Variants in DZIP1 observed in about 807,000 individuals in gnomAD.
DZIP1 encodes the protein cilium assembly protein DZIP1.
A neutral mutation model predicts 107.6 loss-of-function variants in DZIP1; 97 were observed. That is an observed-to-expected ratio of 0.90 (90% CI 0.77 to 1.07). The LOEUF (loss-of-function observed/expected upper bound fraction) is 1.07, where lower values mean the gene tolerates loss of function less well. DZIP1 is among the 50% of genes least tolerant of loss of function. DZIP1 has a pLI of 0.00. For missense variants in DZIP1, 1,035 were observed against 1,063.6 expected (o/e 0.97, Z 0.37); for synonymous variants, 390 against 386.4 (o/e 1.01, Z -0.11).
chr13:95,641,657 T>C lies in DZIP1; in HGVS notation c.235A>G (p.Lys79Glu). The C allele has an allele frequency of 1.9e-6, 3 of 1,608,570 alleles. No homozygotes were observed. Among genetic ancestry groups the C allele is most frequent in the Non-Finnish European group, 2.5e-6 (3 of 1,179,998 alleles). ...WRRLSAIDVDKVAGAVDVLTL... is the reference protein window; with the variant it reads ...WRRLSAIDVDEVAGAVDVLTL... ...AGCACGTCCACAGCCCCCGCCACCT[T>C]GTCCACGTCGATGGCGCTCAGCCGC... Residue 79 changes from lysine to glutamate, a missense_variant, in exon 5 of 23, where the codon AAG (lysine) becomes GAG (glutamate). Coordinates refer to ENST00000376829, the MANE Select transcript of DZIP1 (RefSeq NM_198968.4). The surrounding 1 kb of genome is among the most constrained non-coding windows in gnomAD (Gnocchi z 4.3).
At chr13:95,630,221 G>T in intron 6 of DZIP1, 108 bp from the exon 7 acceptor site, 1 of 1,358,072 alleles carries the variant, frequency 7.4e-7, no homozygotes, top group Non-Finnish European at 9.8e-7. Context: ...CCTCTTACTT[G>T]GGATACGATT....
At chr13:95,604,614 C>T (rs2044718802) in intron 14 of DZIP1, among the ~76,000 whole-genome samples, 2 of 152,276 alleles carry the variant, frequency 1.3e-5, no homozygotes, top group Admixed American at 6.5e-5. Flanking sequence ...TTGTCCGGAC[C>T]CTTGAATCAA....
intron 7 of DZIP1, among the ~76,000 whole-genome samples, chr13:95,628,611 T>G (rs1477350657): frequency 6.6e-6 from 1 of 152,164 alleles, no homozygotes; most frequent in Non-Finnish European, 1.5e-5. Flanking sequence ...TCATAATAGT[T>G]AAGAAGTGGA....
Position 95,586,019 on chromosome 13 carries a change from A to G in DZIP1, c.2336T>C (p.Leu779Ser). The G allele has an allele frequency of 6.2e-7, 1 of 1,601,236 alleles. No individual in the cohort carries two copies. Among genetic ancestry groups the G allele is most frequent in the Non-Finnish European group, 8.5e-7 (1 of 1,176,278 alleles). ...AAGTGATTTCACCTTTAGTTCTTGT[A>G]ATTCTTCTTTTTTGATAAACATCTC... Reference protein sequence around the residue: ...VPEMFIKKEELQELKCADVED... With the variant: ...VPEMFIKKEESQELKCADVED... Residue 779 changes from leucine (L) to serine (S), a missense_variant, in exon 21 of 23, where the codon TTA (leucine) becomes TCA (serine). Physicochemically the swap from Leu to Ser is moderately radical, Grantham distance 145. Coordinates refer to ENST00000376829, the MANE Select transcript of DZIP1 (RefSeq NM_198968.4).
chr13:95,624,995 A>G, intron 7 of DZIP1, 66 bp from the exon 8 acceptor site: 1 of 1,378,650 alleles, frequency 7.3e-7, no homozygotes, highest in Non-Finnish European at 9.8e-7. Flanking sequence ...TATTTAAAAT[A>G]AAAGTTCATA....
intron 14 of DZIP1, among the ~76,000 whole-genome samples, chr13:95,602,453 C>T (rs1239060171): frequency 6.6e-6 from 1 of 152,192 alleles, no homozygotes; most frequent in African/African-American, 2.4e-5. Context: ...ATGTGGTCTC[C>T]TTTATAAGCT....
chr13:95,620,447 A>G (rs773994110), intron 9 of DZIP1, among the ~76,000 whole-genome samples: 1 of 152,228 alleles, frequency 6.6e-6, no homozygotes, highest in Non-Finnish European at 1.5e-5. Context: ...ATTTTTTAGA[A>G]TATACACAGT....
At chr13:95,598,581 C>CA (rs2044525120) in intron 15 of DZIP1, among the ~76,000 whole-genome samples, 1 of 151,854 alleles carries the variant, frequency 6.6e-6, no homozygotes, top group Non-Finnish European at 1.5e-5. Context: ...CTTTTCCTGA[C>CA]AAAAATGACA....
intron 9 of DZIP1, among the ~76,000 whole-genome samples, 189 bp from the exon 10 acceptor site, chr13:95,620,136 T>C (rs1032898928): frequency 2.6e-5 from 4 of 152,154 alleles, no homozygotes; most frequent in African/African-American, 7.2e-5. Context: ...TGGTGGGAGA[T>C]GATTGAATCA....
In DZIP1 at chr13:95,587,715, C is replaced by G; in HGVS notation, c.2042G>C (p.Ser681Thr). The G allele has an allele frequency of 6.2e-7, 1 of 1,613,940 alleles. No individual in the cohort carries two copies. Among genetic ancestry groups the G allele is most frequent in the East Asian group, 2.2e-5 (1 of 44,874 alleles). Residue 681 changes from serine to threonine, a missense_variant, in exon 20 of 23, where the codon AGT (serine) becomes ACT (threonine). By Grantham distance (58) the Ser-to-Thr change is moderately conservative (BLOSUM62 1). Transcript: ENST00000376829. ...KSSTITTPPF[S>T]SEEEQEDDDL... ...GTCGTCCTCCTGCTCCTCCTCTGAA[C>G]TAAAAGGAGGGGTCCTACACAAATC...
rs1566442532 is a variant in DZIP1, at chr13:95,642,030, AG to A, written c.-2del. On this transcript the variant is annotated 5_prime_UTR_variant, in exon 4 of 23. Coordinates refer to ENST00000376829, the MANE Select transcript of DZIP1 (RefSeq NM_198968.4). Reference sequence around the variant, plus strand: ...ACCAATCCGCTGCCTCAGCTTGCATAGGAGGAGCCGGGCGGTCTTTACCCAG... The same window carrying A: ...ACCAATCCGCTGCCTCAGCTTGCATAGAGGAGCCGGGCGGTCTTTACCCAG... 1.3e-6 allele frequency: 2 copies of A among 1,572,282 alleles called. No individual in the cohort carries two copies. Among genetic ancestry groups the A allele is most frequent in the South Asian group, 2.3e-5 (2 of 87,766 alleles).
chr13:95,630,878 G>T, intron 6 of DZIP1: 1 of 505,316 alleles, frequency 2.0e-6, no homozygotes, highest in Non-Finnish European at 3.5e-6. Flanking sequence ...GTTAGAATAA[G>T]ATACTGAAAC....
At chr13:95,607,821 G>C (rs563066943) in intron 13 of DZIP1, among the ~76,000 whole-genome samples, 1 of 152,310 alleles carries the variant, frequency 6.6e-6, no homozygotes, top group South Asian at 2.1e-4. Context: ...TGAAAGGGTA[G>C]TAAATCAGTA....
Position 95,624,764 on chromosome 13 carries a change from T to C in DZIP1, c.972+4A>G. 1 of 1,589,282 alleles carries C rather than the reference T, an allele frequency of 6.3e-7. No homozygotes were observed. Among genetic ancestry groups the C allele is most frequent in the Non-Finnish European group, 8.6e-7 (1 of 1,164,128 alleles). On this transcript the variant is annotated splice_donor_region_variant and intron_variant, in intron 8 of 22. Transcript: ENST00000376829. Reference sequence around the variant, plus strand: ...CCATAAGAACTTCTAGGTTTAATACTTACATATTCTAATGCTGAATTCTTC... The same window carrying C: ...CCATAAGAACTTCTAGGTTTAATACCTACATATTCTAATGCTGAATTCTTC...
chr13:95,584,597 A>T (rs2044103611), intron 22 of DZIP1, 139 bp downstream of exon 22: 1 of 1,430,390 alleles, frequency 7.0e-7, no homozygotes, highest in South Asian at 1.9e-5. Context: ...TCCAATCCTT[A>T]TTTAAATAAC....
chr13:95,641,798 C>A lies in DZIP1; in HGVS notation c.94G>T (p.Ala32Ser), dbSNP rs1878546301. The A allele has an allele frequency of 2.7e-6, 4 of 1,496,396 alleles. No homozygotes were observed. The South Asian group carries it at 4.0e-5, about 15-fold the overall frequency. The allele number at this position is 1,496,396 out of a possible 1,614,324, so 92.7% of individuals were successfully genotyped here. ...GCACCCGCGGCGGCGGCGGCCACAG[C>A]GACGTCGGGCCCCTCTGGGCCGCTG... ...LASGPEGPDV[A>S]VAAAAAGAAS... The change falls in exon 5 of 23, where the codon GCT (alanine) becomes TCT (serine). Residue 32 changes from alanine (A) to serine (S), a missense_variant. By Grantham distance (99) the Ala-to-Ser change is moderately conservative (BLOSUM62 1). Transcript: ENST00000376829. The surrounding 1 kb of genome is among the most constrained non-coding windows in gnomAD (Gnocchi z 4.3).
chr13:95,634,429 T>G (rs1877559296), intron 5 of DZIP1, among the ~76,000 whole-genome samples: 1 of 54,356 alleles, frequency 1.8e-5, no homozygotes, highest in African/African-American at 3.5e-5. Context: ...CCCTCCAGGT[T>G]TTAGAATATA....
At chr13:95,587,284 T>A (rs1171281068) in intron 20 of DZIP1, among the ~76,000 whole-genome samples, 1 of 152,142 alleles carries the variant, frequency 6.6e-6, no homozygotes, top group Non-Finnish European at 1.5e-5. Flanking sequence ...AAGGTTGTGT[T>A]CCTTAAGCCA....
At chr13:95,583,879 T>C (rs1441236137) in intron 22 of DZIP1, among the ~76,000 whole-genome samples, 1 of 152,056 alleles carries the variant, frequency 6.6e-6, no homozygotes, top group Non-Finnish European at 1.5e-5. Flanking sequence ...TCACAGCTAC[T>C]CAGGAGACTG....
Sources: allele counts gnomAD v4.1 joint callset (sites outside exome capture counted in the v4.1 genomes callset), GRCh38; gene constraint gnomAD v4.1.1; non-coding constraint Gnocchi (gnomAD v3.1); transcripts MANE v1.5; gene names NCBI Gene and HGNC (gene_info 2026-07-23, HGNC 2026-07-21).